Variants in PSEN1 observed in about 807,000 individuals in gnomAD.
The protein encoded by PSEN1 is presenilin-1.
Under a neutral mutation model 53.5 loss-of-function variants are expected in PSEN1, and 15 were observed. The ratio of observed to expected loss-of-function variants is 0.28; its 90% CI spans 0.19 to 0.43. The LOEUF (loss-of-function observed/expected upper bound fraction) is 0.43, where lower values mean the gene tolerates loss of function less well. PSEN1 is among the 20% of genes least tolerant of loss of function. The pLI is 1.00. For synonymous variants in PSEN1, 208 were observed against 209.8 expected (o/e 0.99, Z 0.08); for missense variants, 387 against 571.2 (o/e 0.68, Z 3.29).
chr14:73,158,147 G>A (rs1487226485), intron 3 of PSEN1, among the ~76,000 whole-genome samples: 1 of 152,124 alleles, frequency 6.6e-6, no homozygotes, highest in East Asian at 1.9e-4. Flanking sequence ...CAGTTCTGAA[G>A]CATTACAGAT....
chr14:73,197,813 T>G (rs1899015250), intron 7 of PSEN1: 1 of 551,396 alleles, frequency 1.8e-6, no homozygotes, highest in Non-Finnish European at 3.2e-6. Flanking sequence ...CCAAATGAAA[T>G]TTTTACAGAT....
In PSEN1 at chr14:73,143,988, TAAAAAAAA is replaced by T. The variant is rs530235019; in HGVS notation, c.-135-3787_-135-3780del. On this transcript the variant is annotated intron_variant, in intron 1 of 11. Coordinates refer to ENST00000324501, the MANE Select transcript of PSEN1 (RefSeq NM_000021.4). ...GGTGACAGAGTGAGACCTTGTCTCTTAAAAAAAAAAAAAAAAAAAAAAAAAAAGATTTG... is the reference window on the plus strand; with the variant it reads ...GGTGACAGAGTGAGACCTTGTCTCTTAAAAAAAAAAAAAAAAAAAGATTTG... Among the ~76,000 whole-genome samples, 9 of 53,198 alleles carry T rather than the reference TAAAAAAAA, an allele frequency of 1.7e-4. No individual in the cohort carries two copies. The East Asian group carries it at 2.3e-3, about 14-fold the overall frequency. 34.9% of individuals were successfully genotyped at this position (53,198 alleles called of 152,430 possible). A position where few individuals can be genotyped will look rare whatever the true frequency, so the allele number is the denominator to read the frequency against.
At chr14:73,202,376 C>T (rs1168209608) in intron 8 of PSEN1, among the ~76,000 whole-genome samples, 1 of 125,596 alleles carries the variant, frequency 8.0e-6, no homozygotes, top group Non-Finnish European at 1.6e-5. Context: ...ATTTAATACT[C>T]AGAAAGAAGC....
At chr14:73,181,954 A>G (rs1898229359) in intron 5 of PSEN1, among the ~76,000 whole-genome samples, 1 of 152,072 alleles carries the variant, frequency 6.6e-6, no homozygotes. Context: ...TCGTATTTTT[A>G]GTAGAGACGG....
At chr14:73,199,506 G>A (rs758786670) in intron 8 of PSEN1, among the ~76,000 whole-genome samples, 29 of 152,272 alleles carry the variant, frequency 1.9e-4, no homozygotes, top group African/African-American at 7.0e-4. Context: ...TCAGTGGTGG[G>A]TATCCTCATT....
intron 5 of PSEN1, chr14:73,174,069 A>G (rs1299013629): frequency 2.9e-6 from 1 of 347,158 alleles, no homozygotes; most frequent in Non-Finnish European, 5.2e-6. Flanking sequence ...TAAAATATAT[A>G]TATTATGATT....
At chr14:73,160,990 G>A (rs1034215741) in intron 3 of PSEN1, among the ~76,000 whole-genome samples, 139 of 95,666 alleles carry the variant, frequency 1.5e-3, no homozygotes, top group African/African-American at 6.0e-3. Flanking sequence ...TTTTTTTTTC[G>A]ATACAAGGTT....
rs1900092276 is a variant in PSEN1 at position 73,220,323 on chromosome 14, G to A, written c.*1034G>A. 6.6e-6 allele frequency: 1 copy of A among 152,652 alleles called. No homozygotes were observed. Among genetic ancestry groups the A allele is most frequent in the African/African-American group, 2.4e-5 (1 of 41,442 alleles). The allele number at this position is 152,652 out of a possible 1,614,324, so 9.5% of individuals were successfully genotyped here. A position where few individuals can be genotyped will look rare whatever the true frequency, so the allele number is the denominator to read the frequency against. ...ATGAATCGGTGCTGTCAGCCCTGCT[G>A]TCAGACCTTCTTCCACAGCAAATGA... On this transcript the variant is annotated 3_prime_UTR_variant, in exon 12 of 12. Transcript: ENST00000324501.
At chr14:73,197,700 A>G (rs752980679) in intron 7 of PSEN1, 1 of 316,320 alleles carries the variant, frequency 3.2e-6, no homozygotes, top group Non-Finnish European at 6.0e-6. Context: ...TGCTTAAAAT[A>G]GTCTATCTCA....
At chr14:73,212,032 T>C in intron 10 of PSEN1, 90 bp downstream of exon 10, 2 of 1,173,946 alleles carry the variant, frequency 1.7e-6, no homozygotes, top group Non-Finnish European at 1.2e-6. Flanking sequence ...ATTGAGAGTG[T>C]TACAGTCTAA....
intron 3 of PSEN1, among the ~76,000 whole-genome samples, chr14:73,161,297 G>A (rs1320887575): frequency 6.6e-6 from 1 of 152,056 alleles, no homozygotes; most frequent in Admixed American, 6.5e-5. Flanking sequence ...ATTTTCTCCA[G>A]TTCTGTAGGT....
chr14:73,172,535 A>C (rs1897923047), intron 4 of PSEN1, among the ~76,000 whole-genome samples: 1 of 152,202 alleles, frequency 6.6e-6, no homozygotes, highest in Non-Finnish European at 1.5e-5. Context: ...TTGTGAATAA[A>C]CTTTCATTGG....
At chr14:73,217,415 A>G (rs535165738) in intron 11 of PSEN1, among the ~76,000 whole-genome samples, 171 bp downstream of exon 11, 3 of 152,216 alleles carry the variant, frequency 2.0e-5, no homozygotes, top group Non-Finnish European at 4.4e-5. Flanking sequence ...CTGGCCACAC[A>G]TTAGAATCAC....
Position 73,156,921 on chromosome 14 carries a change from C to T in PSEN1, c.87+8815C>T, listed in dbSNP as rs1897374035. ...TTGTGATCCGCCCGCCTGGGACTCC[C>T]AAAGTGCTGGGATTACAGGCATGAG... is the stretch of plus-strand genomic sequence containing the variant. On this transcript the variant is annotated intron_variant, in intron 3 of 11. Transcript: ENST00000324501. Among the ~76,000 whole-genome samples, 4 of 152,210 alleles carry T rather than the reference C, an allele frequency of 2.6e-5. No homozygotes were observed. In the South Asian group the frequency reaches 8.3e-4, roughly 32 times the overall value.
intron 6 of PSEN1, among the ~76,000 whole-genome samples, chr14:73,191,880 C>T (rs777633668): frequency 1.2e-4 from 19 of 152,124 alleles, no homozygotes; most frequent in Non-Finnish European, 2.2e-4. Flanking sequence ...TGCTAAATCT[C>T]ATTGTATGAA....
intron 3 of PSEN1, among the ~76,000 whole-genome samples, chr14:73,158,584 AGT>A (rs1418258693): frequency 6.6e-6 from 1 of 152,046 alleles, no homozygotes; most frequent in Non-Finnish European, 1.5e-5. Flanking sequence ...GGCCCCCCAA[AGT>A]GTTGGGATTA....
At chr14:73,194,711 G>A (rs1283410434) in intron 7 of PSEN1, among the ~76,000 whole-genome samples, 1 of 151,840 alleles carries the variant, frequency 6.6e-6, no homozygotes, top group African/African-American at 2.4e-5. Flanking sequence ...TGGGACTACA[G>A]GCATCTGCCA....
chr14:73,187,413 A>C (rs1432486251), intron 6 of PSEN1, among the ~76,000 whole-genome samples: 1 of 152,216 alleles, frequency 6.6e-6, no homozygotes, highest in Non-Finnish European at 1.5e-5. Flanking sequence ...TCTCAGCTCA[A>C]GTGGCAGAAT....
At chr14:73,206,251 T>A in intron 8 of PSEN1, 135 bp from the exon 9 acceptor site, 1 of 705,576 alleles carries the variant, frequency 1.4e-6, no homozygotes, top group Non-Finnish European at 2.6e-6. Flanking sequence ...TTTTTTATTT[T>A]TACTTCTGAT....
Sources: gnomAD v4.1 joint callset for allele counts (sites outside exome capture counted in the v4.1 genomes callset) on GRCh38, gnomAD v4.1.1 for gene constraint, MANE v1.5 for transcripts, NCBI Gene and HGNC (gene_info 2026-07-23, HGNC 2026-07-21) for gene names.